TRPM3: variants seen among roughly 807,000 people sequenced by gnomAD.
TRPM3 encodes long transient receptor potential channel 3.
TRPM3 carries 77 observed loss-of-function variants against 181.2 expected under a neutral mutation model. That is an observed-to-expected ratio of 0.42 (90% confidence interval 0.35 to 0.51). TRPM3 has a LOEUF of 0.51. Among genes scored for constraint, TRPM3 ranks in the 20% least tolerant of loss-of-function variants. The pLI, the probability that TRPM3 is intolerant of heterozygous loss-of-function variation, is 0.01. For missense variants in TRPM3, 1,759 were observed against 2,196.7 expected (o/e 0.80, Z 3.98); for synonymous variants, 745 against 796.4 (o/e 0.94, Z 1.09).
chr9:71,319,303 T>C (rs1389374417), intron 1 of TRPM3, among the ~76,000 whole-genome samples: 1 of 152,140 alleles, frequency 6.6e-6, no homozygotes, highest in Non-Finnish European at 1.5e-5. Context: ...GTCTGCTGTC[T>C]GCTCCCTGGA....
chr9:71,285,000 T>C (rs1275576870), intron 1 of TRPM3, among the ~76,000 whole-genome samples: 1 of 152,220 alleles, frequency 6.6e-6, no homozygotes, highest in African/African-American at 2.4e-5. Flanking sequence ...ACATTTTCCA[T>C]AATTTCAATT....
chr9:71,110,119 C>T (rs904593839), intron 1 of TRPM3, among the ~76,000 whole-genome samples: 6 of 152,098 alleles, frequency 3.9e-5, no homozygotes, highest in Admixed American at 3.9e-4. Flanking sequence ...TAAGCACGAA[C>T]GATTTAGTCT....
At chr9:70,583,206 T>C (rs542559120) in intron 22 of TRPM3, among the ~76,000 whole-genome samples, 25 of 152,182 alleles carry the variant, frequency 1.6e-4, no homozygotes, top group African/African-American at 5.8e-4. Flanking sequence ...ATTTGGGGAA[T>C]AGATAAAAAT....
At chr9:71,390,914 T>C (rs2093047128) in intron 1 of TRPM3, among the ~76,000 whole-genome samples, 1 of 151,820 alleles carries the variant, frequency 6.6e-6, no homozygotes, top group African/African-American at 2.4e-5. Flanking sequence ...TGGGGAAAAT[T>C]ATAGTTCAAG....
intron 1 of TRPM3, among the ~76,000 whole-genome samples, chr9:71,289,673 G>T (rs1331227848): frequency 6.6e-6 from 1 of 151,984 alleles, no homozygotes; most frequent in East Asian, 1.9e-4. Flanking sequence ...TTTGAGACCA[G>T]CCTGGCCAAC....
intron 1 of TRPM3, among the ~76,000 whole-genome samples, chr9:70,875,547 A>G (rs531221448): frequency 6.6e-5 from 10 of 152,054 alleles, no homozygotes; most frequent in African/African-American, 2.4e-4. Flanking sequence ...GCACATGTGT[A>G]AAATTTTAAT....
chr9:70,796,980 G>C (rs1438853330), intron 6 of TRPM3, among the ~76,000 whole-genome samples: 1 of 151,966 alleles, frequency 6.6e-6, no homozygotes, highest in Non-Finnish European at 1.5e-5. Context: ...AAATTTAAAA[G>C]TTAGCTGGGC....
rs1338482218 is a variant in TRPM3 at position 70,536,130 on chromosome 9, G to A, written c.4983C>T (p.His1661=). Residue 1661 remains histidine, a synonymous_variant, in exon 26 of 26, where the codon CAC becomes CAT. Transcript: ENST00000677713. ...SAEEPSAPYA[H]TRKSFSISDK... ...CACTGATGGAGAAGCTCTTCCTGGT[G>A]TGTGCATATGGCGCACTTGGCTCCT... 3.1e-6 allele frequency: 5 copies of A among 1,614,206 alleles called. No individual in the cohort carries two copies. The highest frequency in any genetic ancestry group is 2.2e-5 in the East Asian group (1 of 44,882).
Position 70,536,491 on chromosome 9 carries a change from C to T in TRPM3, c.4622G>A (p.Arg1541Lys). The change falls in exon 26 of 26, where the codon AGG becomes AAG. Residue 1541 changes from arginine to lysine, a missense_variant. Transcript: ENST00000677713. ...KSHSFMFSPS[R>K]SYYANFGVPV... The stretch of plus-strand genomic sequence containing the variant: ...CACCCCAAAGTTGGCATAATAGCTC[C>T]TTGAGGGGGAAAACATAAAGCTATG... The T allele has an allele frequency of 1.2e-6, 2 of 1,614,154 alleles. No individual in the cohort carries two copies. Among genetic ancestry groups the T allele is most frequent in the Non-Finnish European group, 1.7e-6 (2 of 1,180,026 alleles).
intron 1 of TRPM3, among the ~76,000 whole-genome samples, chr9:70,893,147 C>A (rs1397696668): frequency 6.6e-6 from 1 of 152,180 alleles, no homozygotes; most frequent in African/African-American, 2.4e-5. Flanking sequence ...AAGACATTTT[C>A]TGCGACACCA....
intron 1 of TRPM3, among the ~76,000 whole-genome samples, chr9:71,236,172 T>C (rs1305036441): frequency 6.6e-6 from 1 of 152,204 alleles, no homozygotes; most frequent in Non-Finnish European, 1.5e-5. Context: ...CTATTGTGTG[T>C]TGTGGAAATG....
intron 1 of TRPM3, among the ~76,000 whole-genome samples, chr9:71,094,064 C>A (rs1483777722): frequency 7.7e-6 from 1 of 129,424 alleles, no homozygotes; most frequent in Non-Finnish European, 1.6e-5. Flanking sequence ...GGGAGGGGAA[C>A]ATCACACACT....
At chr9:70,595,031 A>G (rs557519708) in intron 21 of TRPM3, among the ~76,000 whole-genome samples, 2 of 152,324 alleles carry the variant, frequency 1.3e-5, no homozygotes, top group East Asian at 1.9e-4. Context: ...CTGATAAATG[A>G]AGTCATTCAT....
intron 1 of TRPM3, among the ~76,000 whole-genome samples, chr9:70,925,727 AT>A (rs1466386006): frequency 1.3e-5 from 2 of 152,086 alleles, no homozygotes; most frequent in Non-Finnish European, 2.9e-5. Context: ...ATAATTTGAT[AT>A]TAATATAGAA....
At chr9:70,654,642 T>C (rs1265021811) in intron 9 of TRPM3, among the ~76,000 whole-genome samples, 2 of 151,122 alleles carry the variant, frequency 1.3e-5, no homozygotes, top group Non-Finnish European at 2.9e-5. Flanking sequence ...AATCTAAGAA[T>C]GAGGAGTAAA....
chr9:71,205,364 CAG>C (rs2079064141), intron 1 of TRPM3, among the ~76,000 whole-genome samples: 1 of 152,110 alleles, frequency 6.6e-6, no homozygotes, highest in Non-Finnish European at 1.5e-5. Context: ...GCTTCTCATT[CAG>C]CCCAAAATGA....
chr9:70,629,214 CCGG>C lies in TRPM3; in HGVS notation c.1633-3700_1633-3698del, dbSNP rs1279350941. 1.5e-4 allele frequency among the ~76,000 whole-genome samples: 3 copies of C among 19,672 alleles called. 1 individual carries two copies. Among genetic ancestry groups the C allele is most frequent in the Admixed American group, 1.8e-3 (2 of 1,114 alleles). The allele number at this position is 19,672 out of a possible 152,430, so 12.9% of individuals were successfully genotyped here. ...AGGATAAATGATTCTGTGACCAGTG[CCGG>C]GGGGGGGGGGGGCCTGCGTTCTGTT... is the stretch of plus-strand genomic sequence containing the variant. On this transcript the variant is annotated intron_variant, in intron 12 of 25. Transcript: ENST00000677713.
At chr9:70,746,267 C>CAGAGAG (rs61445272) in intron 8 of TRPM3, among the ~76,000 whole-genome samples, 1 of 149,204 alleles carries the variant, frequency 6.7e-6, no homozygotes, top group Non-Finnish European at 1.5e-5. Context: ...AAAACAAAAA[C>CAGAGAG]AGAGAGAGAG....
chr9:71,342,481 G>C (rs542153117), intron 1 of TRPM3, among the ~76,000 whole-genome samples: 16 of 151,672 alleles, frequency 1.1e-4, no homozygotes, highest in African/African-American at 3.9e-4. Flanking sequence ...GCTATAAAAA[G>C]TAATTAGTAA....
Sources: gnomAD v4.1 joint callset for allele counts (sites outside exome capture counted in the v4.1 genomes callset) on GRCh38, gnomAD v4.1.1 for gene constraint, MANE v1.5 for transcripts, NCBI Gene and HGNC (gene_info 2026-07-23, HGNC 2026-07-21) for gene names.